CBFB: variants seen among roughly 807,000 people sequenced by gnomAD.
The protein encoded by CBFB is CBF-beta.
CBFB carries 9 observed loss-of-function variants against 30.4 expected under a neutral mutation model. The ratio of observed to expected loss-of-function variants is 0.30; its 90% CI spans 0.18 to 0.52. The LOEUF is 0.52. CBFB is among the 20% of genes least tolerant of loss of function. The pLI is 0.97. For missense variants in CBFB, 170 were observed against 244.0 expected (o/e 0.70, Z 2.02); for synonymous variants, 94 against 84.0 (o/e 1.12, Z -0.65).
intron 4 of CBFB, among the ~76,000 whole-genome samples, chr16:67,074,897 A>T (rs1961342704): frequency 6.6e-6 from 1 of 152,206 alleles, no homozygotes; most frequent in African/African-American, 2.4e-5. Flanking sequence ...AAGGACTTAC[A>T]TAAAATATGT....
chr16:67,075,616 A>T (rs1567619306), intron 4 of CBFB, among the ~76,000 whole-genome samples: 1 of 152,214 alleles, frequency 6.6e-6, no homozygotes, highest in Non-Finnish European at 1.5e-5. Context: ...CCAAGGCATG[A>T]TGGCAACAGG....
Position 67,099,868 on chromosome 16 carries a change from A to T in CBFB, c.*1090A>T, listed in dbSNP as rs377543205. On this transcript the variant is annotated 3_prime_UTR_variant, in exon 6 of 6. Coordinates refer to ENST00000412916, the MANE Select transcript of CBFB (RefSeq NM_022845.3). Reference sequence around the variant, plus strand: ...TGTATTTTATATTGCATGCTTTTGTAAAAACATGCTGGGTGATGAAAGATT... The same window carrying T: ...TGTATTTTATATTGCATGCTTTTGTTAAAACATGCTGGGTGATGAAAGATT... 1 of 212,830 alleles carries T rather than the reference A, an allele frequency of 4.7e-6. No homozygotes were observed. Among genetic ancestry groups the T allele is most frequent in the African/African-American group, 2.3e-5 (1 of 44,168 alleles). The allele number at this position is 212,830 out of a possible 1,614,324, so 13.2% of individuals were successfully genotyped here.
At chr16:67,049,551 A>G (rs770781985) in intron 3 of CBFB, among the ~76,000 whole-genome samples, 3 of 152,094 alleles carry the variant, frequency 2.0e-5, no homozygotes, top group Non-Finnish European at 2.9e-5. Flanking sequence ...CTGGAATGCA[A>G]TGGCACAACC....
intron 5 of CBFB, among the ~76,000 whole-genome samples, chr16:67,083,286 A>AT (rs1158265034): frequency 6.6e-6 from 1 of 151,956 alleles, no homozygotes. Flanking sequence ...CTCAAAAGTA[A>AT]TCATTATTTT....
chr16:67,092,088 G>T (rs1961900989), intron 5 of CBFB, among the ~76,000 whole-genome samples: 1 of 151,468 alleles, frequency 6.6e-6, no homozygotes, highest in Admixed American at 6.6e-5. Flanking sequence ...AGGCCCCTGT[G>T]TGTGACATTC....
intron 2 of CBFB, among the ~76,000 whole-genome samples, chr16:67,034,479 T>C (rs1966408970): frequency 6.6e-6 from 1 of 152,264 alleles, no homozygotes; most frequent in African/African-American, 2.4e-5. Context: ...TTTTTCCAAC[T>C]CTTACCTATA....
At chr16:67,043,038 C>T (rs899428077) in intron 3 of CBFB, among the ~76,000 whole-genome samples, 1 of 152,148 alleles carries the variant, frequency 6.6e-6, no homozygotes, top group African/African-American at 2.4e-5. Context: ...GCCTGGTCCA[C>T]CATGCCTTTT....
chr16:67,089,333 A>AAT (rs1415898539), intron 5 of CBFB, among the ~76,000 whole-genome samples: 1 of 152,164 alleles, frequency 6.6e-6, no homozygotes, highest in East Asian at 1.9e-4. Flanking sequence ...TCTCTAGTAG[A>AAT]ATATCTAAGA....
chr16:67,095,947 C>T (rs1245595089), intron 5 of CBFB, among the ~76,000 whole-genome samples: 3 of 151,794 alleles, frequency 2.0e-5, no homozygotes. Context: ...CCACCTTGGC[C>T]TCCCAAAGTG....
intron 4 of CBFB, among the ~76,000 whole-genome samples, chr16:67,070,794 TGAGCC>T (rs1345840195): frequency 2.6e-5 from 4 of 151,162 alleles, no homozygotes; most frequent in Non-Finnish European, 1.5e-5. Flanking sequence ...GAGATTGCAA[TGAGCC>T]GAGATCACAC....
At position 67,083,711 on chromosome 16, in the gene CBFB, T is replaced by A. The variant is rs372417691; in HGVS notation, c.495+1403T>A. Among the ~76,000 whole-genome samples the A allele has an allele frequency of 2.1e-4, 32 of 152,320 alleles. No homozygotes were observed. In the East Asian group the frequency reaches 5.4e-3, roughly 26 times the overall value. ...TTGAGCTTTTTTCCCCCCACTTTTT[T>A]AAATCTACCATGTTGGTTTCTGAAT... is the stretch of plus-strand genomic sequence containing the variant. On this transcript the variant is annotated intron_variant, in intron 5 of 5. Coordinates refer to ENST00000412916, the MANE Select transcript of CBFB (RefSeq NM_022845.3).
At chr16:67,069,893 G>A (rs948641515) in intron 4 of CBFB, among the ~76,000 whole-genome samples, 3 of 152,134 alleles carry the variant, frequency 2.0e-5, no homozygotes, top group African/African-American at 7.2e-5. Flanking sequence ...GGAGACCGAA[G>A]TGGGAGGATC....
At chr16:67,057,241 C>T (rs1488444544) in intron 3 of CBFB, among the ~76,000 whole-genome samples, 1 of 152,156 alleles carries the variant, frequency 6.6e-6, no homozygotes, top group African/African-American at 2.4e-5. Flanking sequence ...CCTTGGCCTC[C>T]CAAAGCACAT....
At chr16:67,065,722 C>T (rs1212706628) in intron 3 of CBFB, among the ~76,000 whole-genome samples, 2 of 152,026 alleles carry the variant, frequency 1.3e-5, no homozygotes, top group African/African-American at 4.8e-5. Context: ...AGAATTTCAA[C>T]AGGGAGTTGA....
chr16:67,082,832 A>G (rs1051918007), intron 5 of CBFB, among the ~76,000 whole-genome samples: 11 of 152,308 alleles, frequency 7.2e-5, no homozygotes, highest in African/African-American at 2.6e-4. Flanking sequence ...ATTGTAAAAT[A>G]CAGAAACAGA....
intron 4 of CBFB, among the ~76,000 whole-genome samples, chr16:67,074,280 G>T (rs183164467): frequency 1.3e-5 from 2 of 152,148 alleles, no homozygotes; most frequent in Admixed American, 1.3e-4. Flanking sequence ...ATGATGCTGG[G>T]ACAATAAAAC....
intron 3 of CBFB, among the ~76,000 whole-genome samples, chr16:67,041,522 A>C (rs1966529864): frequency 6.6e-6 from 1 of 152,154 alleles, no homozygotes; most frequent in Admixed American, 6.6e-5. Flanking sequence ...GAATTGCTTG[A>C]ACCCGGGAAG....
intron 3 of CBFB, among the ~76,000 whole-genome samples, chr16:67,044,544 TTATACTTA>T (rs1966590091): frequency 6.6e-6 from 1 of 152,178 alleles, no homozygotes; most frequent in South Asian, 2.1e-4. Context: ...TTTCTGGACT[TTATACTTA>T]AAAGTCTTTT....
chr16:67,084,468 T>A (rs1033069778), intron 5 of CBFB, among the ~76,000 whole-genome samples: 2 of 152,162 alleles, frequency 1.3e-5, no homozygotes, highest in Admixed American at 6.6e-5. Flanking sequence ...TTTTGGAATC[T>A]ACAGACAGTA....
Sources: gnomAD v4.1 joint callset for allele counts (sites outside exome capture counted in the v4.1 genomes callset) on GRCh38, gnomAD v4.1.1 for gene constraint, MANE v1.5 for transcripts, NCBI Gene and HGNC (gene_info 2026-07-23, HGNC 2026-07-21) for gene names.